HERC4: variants seen among roughly 807,000 people sequenced by gnomAD.
HERC4 encodes HECT and RLD domain containing E3 ubiquitin protein ligase 4.
Under a neutral mutation model 124.3 loss-of-function variants are expected in HERC4, and 28 were observed. The ratio of observed to expected loss-of-function variants is 0.23; its 90% CI spans 0.17 to 0.31. The LOEUF is 0.31. HERC4 is among the 10% of genes least tolerant of loss of function. HERC4 has a pLI of 1.00. For missense variants in HERC4, 713 were observed against 1,229.3 expected, an observed-to-expected ratio of 0.58 and a Z score of 6.28; for synonymous variants, 407 against 421.5, an observed-to-expected ratio of 0.97 and a Z score of 0.42.
chr10:68,030,148 A>C (rs186307819), intron 7 of HERC4, among the ~76,000 whole-genome samples: 1 of 152,180 alleles, frequency 6.6e-6, no homozygotes, highest in Non-Finnish European at 1.5e-5. Context: ...GTATTTTTAA[A>C]AACATATAAG....
At position 67,945,781 on chromosome 10, in the gene HERC4, G is replaced by A. The variant is rs548608298; in HGVS notation, c.2338-4676C>T. On this transcript the variant is annotated intron_variant, in intron 19 of 24. Coordinates refer to ENST00000373700, the MANE Select transcript of HERC4 (RefSeq NM_015601.4). ...TGGTGTTTACAATATTGGGTTATAA[G>A]CTATTTGCAAGCCTCATGGTAAACT... Among the ~76,000 whole-genome samples the A allele has an allele frequency of 2.6e-5, 4 of 152,056 alleles. No homozygotes were observed. In the East Asian group the frequency reaches 7.7e-4, roughly 29 times the overall value.
In HERC4 at chr10:67,927,502, T is replaced by G. The variant is rs555994650; in HGVS notation, c.2839-2315A>C. Among the ~76,000 whole-genome samples, 33 of 148,340 alleles carry G rather than the reference T, an allele frequency of 2.2e-4. 1 individual carries two copies. In the South Asian group the frequency reaches 7.1e-3, roughly 32 times the overall value. ...ATACAGTGGCACGATCTTGGCTCAC[T>G]GCAACCTCTGCCTCCCAGGTTCAAG... On this transcript the variant is annotated intron_variant, in intron 23 of 24. Coordinates refer to ENST00000373700, the MANE Select transcript of HERC4 (RefSeq NM_015601.4).
At chr10:67,991,078 T>A (rs2036525305) in intron 12 of HERC4, 62 bp downstream of exon 12, 2 of 1,362,230 alleles carry the variant, frequency 1.5e-6, no homozygotes, top group Non-Finnish European at 2.0e-6. Flanking sequence ...ATTTTTTAAT[T>A]TGATATACTA....
At chr10:67,947,008 C>A (rs1256085993) in intron 19 of HERC4, among the ~76,000 whole-genome samples, 2 of 152,096 alleles carry the variant, frequency 1.3e-5, no homozygotes, top group African/African-American at 4.8e-5. Context: ...GAGAGAGAGA[C>A]CCCAATACAA....
At chr10:67,976,043 T>A (rs1449214692) in intron 15 of HERC4, among the ~76,000 whole-genome samples, 3 of 151,982 alleles carry the variant, frequency 2.0e-5, no homozygotes, top group Non-Finnish European at 4.4e-5. Context: ...TTTTTTTTTT[T>A]AAGTAAATTT....
chr10:67,977,917 A>G (rs570948744), intron 15 of HERC4, among the ~76,000 whole-genome samples: 87 of 150,950 alleles, frequency 5.8e-4, no homozygotes, highest in Non-Finnish European at 1.0e-3. Flanking sequence ...GGAGGTAGAG[A>G]GTATAGTGAG....
Position 67,990,990 on chromosome 10 carries a change from T to C in HERC4, c.1357A>G (p.Thr453Ala). 3 of 1,604,804 alleles carry C rather than the reference T, an allele frequency of 1.9e-6. No homozygotes were observed. Among genetic ancestry groups the C allele is most frequent in the Non-Finnish European group, 2.6e-6 (3 of 1,173,444 alleles). The change falls in exon 13 of 25, where the codon ACC becomes GCC. Residue 453 changes from threonine to alanine, a missense_variant. Transcript: ENST00000373700. Reference sequence around the variant, plus strand: ...TTCATATCAACCCCTGAAAATCTGGTACCTGTTCTATAGTGATCATCATTG... The same window carrying C: ...TTCATATCAACCCCTGAAAATCTGGCACCTGTTCTATAGTGATCATCATTG... Reference protein sequence around the residue: ...VSNDDHYRTGTRFSGVDMNAA... With the variant: ...VSNDDHYRTGARFSGVDMNAA...
In HERC4 at chr10:67,973,818, C is replaced by T. The variant is rs1175584767; in HGVS notation, c.1807-7016G>A. The stretch of plus-strand genomic sequence containing the variant: ...CCTGTAATCCCAGAACTTTGGGAGG[C>T]CAAGGTGGGCAGATCACAAGGGCAA... On this transcript the variant is annotated intron_variant, in intron 15 of 24. Coordinates refer to ENST00000373700, the MANE Select transcript of HERC4 (RefSeq NM_015601.4). Among the ~76,000 whole-genome samples the T allele has an allele frequency of 2.0e-5, 3 of 151,912 alleles. No homozygotes were observed. In the East Asian group the frequency reaches 5.8e-4, roughly 29 times the overall value.
In HERC4 at chr10:67,966,562, A is replaced by C. The variant is rs939019016; in HGVS notation, c.1926+121T>G. The C allele has an allele frequency of 1.3e-5, 11 of 875,706 alleles. No homozygotes were observed. The African/African-American group carries it at 1.9e-4, about 15-fold the overall frequency. The allele number at this position is 875,706 out of a possible 1,614,324, so 54.2% of individuals were successfully genotyped here. The stretch of plus-strand genomic sequence containing the variant: ...TCCTTTGCAATGTGTTATTATTTAA[A>C]AAGTAAGTTCTGGATAAAAGTTCTG... On this transcript the variant is annotated intron_variant, in intron 16 of 24. Coordinates refer to ENST00000373700, the MANE Select transcript of HERC4 (RefSeq NM_015601.4).
At chr10:67,931,078 C>T (rs1167071818) in intron 23 of HERC4, among the ~76,000 whole-genome samples, 3 of 152,010 alleles carry the variant, frequency 2.0e-5, no homozygotes, top group African/African-American at 2.4e-5. Flanking sequence ...CTCCGCTTCC[C>T]GGGTTCAAGC....
chr10:68,022,895 T>G (rs2038712560), intron 8 of HERC4, among the ~76,000 whole-genome samples: 2 of 151,882 alleles, frequency 1.3e-5, no homozygotes, highest in Admixed American at 1.3e-4. Flanking sequence ...CTCCTAAAGA[T>G]GTACAAATGG....
At position 67,954,614 on chromosome 10, in the gene HERC4, A is replaced by C; in HGVS notation, c.2318T>G (p.Leu773Arg). Residue 773 changes from leucine (L) to arginine (R), a missense_variant, in exon 19 of 25, where the codon CTC (leucine) becomes CGC (arginine). Physicochemically the swap from Leu to Arg is moderately radical, Grantham distance 102. Transcript: ENST00000373700. ...TTTTACCTTATCAGAAAACCAAATG[A>C]GCCTGGAATCTTCATAATACCTAAA... ...GMFRYYEDSR[L>R]IWFSDKTFED... is the part of the protein sequence containing the mutation. The C allele has an allele frequency of 6.2e-7, 1 of 1,612,772 alleles. No individual in the cohort carries two copies. Among genetic ancestry groups the C allele is most frequent in the Non-Finnish European group, 8.5e-7 (1 of 1,179,170 alleles).
At chr10:67,951,097 A>C (rs2033759185) in intron 19 of HERC4, among the ~76,000 whole-genome samples, 1 of 152,152 alleles carries the variant, frequency 6.6e-6, no homozygotes, top group South Asian at 2.1e-4. Context: ...ATAGAACTTG[A>C]AAGGTCCCAA....
intron 9 of HERC4, chr10:67,996,132 C>G (rs1201583484): frequency 4.4e-6 from 2 of 450,594 alleles, no homozygotes; most frequent in Admixed American, 2.4e-5. Flanking sequence ...ATGGCAAGAC[C>G]TCGCCTCTAC....
chr10:68,016,360 T>G (rs953388455), intron 8 of HERC4, among the ~76,000 whole-genome samples: 2 of 151,998 alleles, frequency 1.3e-5, no homozygotes, highest in Non-Finnish European at 2.9e-5. Context: ...TTTTAAAAAT[T>G]TTATTATTTT....
chr10:68,055,127 G>T (rs779531252), intron 3 of HERC4, among the ~76,000 whole-genome samples: 1 of 152,134 alleles, frequency 6.6e-6, no homozygotes, highest in African/African-American at 2.4e-5. Context: ...TCACCATGTT[G>T]CCCAGGCTGA....
chr10:68,050,287 A>C (rs554310428), intron 3 of HERC4, among the ~76,000 whole-genome samples: 1 of 152,332 alleles, frequency 6.6e-6, no homozygotes, highest in South Asian at 2.1e-4. Context: ...AAGCTTCTCA[A>C]TGTGTATTTA....
intron 6 of HERC4, 141 bp from the exon 7 acceptor site, chr10:68,033,010 G>A: frequency 1.7e-6 from 1 of 604,844 alleles, no homozygotes; most frequent in South Asian, 2.0e-5. Flanking sequence ...TGTAGTACAA[G>A]CTTACTAAGT....
At chr10:68,053,310 C>CTTT (rs201367135) in intron 3 of HERC4, among the ~76,000 whole-genome samples, 1 of 143,694 alleles carries the variant, frequency 7.0e-6, no homozygotes, top group Non-Finnish European at 1.5e-5. Flanking sequence ...AAGCACTACA[C>CTTT]TTTTTTTTTT....
Sources: allele counts gnomAD v4.1 joint callset (sites outside exome capture counted in the v4.1 genomes callset), GRCh38; gene constraint gnomAD v4.1.1; transcripts MANE v1.5; gene names NCBI Gene and HGNC (gene_info 2026-07-23, HGNC 2026-07-21).